Variants in HS6ST2 observed in about 807,000 individuals in gnomAD.
The protein encoded by HS6ST2 is heparan sulfate 6-O-sulfotransferase 2, also known as heparan-sulfate 6-O-sulfotransferase 2.
A neutral mutation model predicts 33.0 loss-of-function variants in HS6ST2; 17 were observed. The ratio of observed to expected loss-of-function variants is 0.52; its 90% CI spans 0.35 to 0.77. The LOEUF (loss-of-function observed/expected upper bound fraction) is 0.77. Among genes scored for constraint, HS6ST2 ranks in the 30% least tolerant of loss-of-function variants. The pLI, the probability that HS6ST2 is intolerant of heterozygous loss-of-function variation, is 0.01. For synonymous variants in HS6ST2, 248 were observed against 237.1 expected, an observed-to-expected ratio of 1.05 and a Z score of -0.42; for missense variants, 519 against 551.7, an observed-to-expected ratio of 0.94 and a Z score of 0.59.
intron 2 of HS6ST2, among the ~76,000 whole-genome samples, chrX:132,789,219 AT>A (rs2065094324): frequency 8.9e-6 from 1 of 111,815 alleles, no homozygotes; most frequent in Non-Finnish European, 1.9e-5. Flanking sequence ...AATGTAGCTG[AT>A]GACTTTAAGT....
intron 2 of HS6ST2, among the ~76,000 whole-genome samples, chrX:132,919,341 C>T (rs1602872874): frequency 8.9e-6 from 1 of 112,118 alleles, no homozygotes; most frequent in Non-Finnish European, 1.9e-5. Flanking sequence ...ACTCTCTGCT[C>T]TGAATGGGTC....
intron 4 of HS6ST2, among the ~76,000 whole-genome samples, chrX:132,637,917 T>A (rs1268281527): frequency 0.013 from 688 of 51,795 alleles, 17 homozygotes; most frequent in African/African-American, 0.12. Flanking sequence ...TATATAATAT[T>A]TTATATATAT....
chrX:132,861,114 T>C (rs1248796283), intron 2 of HS6ST2, among the ~76,000 whole-genome samples: 1 of 111,475 alleles, frequency 9.0e-6, no homozygotes, highest in Non-Finnish European at 1.9e-5. Context: ...TTCGACAGGA[T>C]TGAAATTTTA....
chrX:132,953,183 G>T (rs1022263714), intron 2 of HS6ST2, among the ~76,000 whole-genome samples: 2 of 111,868 alleles, frequency 1.8e-5, no homozygotes, highest in East Asian at 5.6e-4. Context: ...ACTTTTAACA[G>T]CTTGTGAGCA....
intron 2 of HS6ST2, among the ~76,000 whole-genome samples, chrX:132,838,496 T>C (rs766024610): frequency 8.9e-6 from 1 of 111,866 alleles, no homozygotes; most frequent in Non-Finnish European, 1.9e-5. Flanking sequence ...GAATTATAAA[T>C]TATAGTATCT....
intron 2 of HS6ST2, among the ~76,000 whole-genome samples, chrX:132,829,733 T>C (rs2065569706): frequency 9.0e-6 from 1 of 111,133 alleles, no homozygotes; most frequent in Non-Finnish European, 1.9e-5. Flanking sequence ...ATTTGAAACA[T>C]GAGAAAAGTG....
intron 2 of HS6ST2, among the ~76,000 whole-genome samples, chrX:132,782,716 G>C (rs1415979930): frequency 1.3e-4 from 15 of 111,422 alleles, no homozygotes; most frequent in Non-Finnish European, 3.8e-5. Flanking sequence ...AGGTAGATTT[G>C]AGATTGATCA....
At chrX:132,828,143 G>A (rs1203775332) in intron 2 of HS6ST2, among the ~76,000 whole-genome samples, 2 of 111,006 alleles carry the variant, frequency 1.8e-5, no homozygotes, top group Non-Finnish European at 3.8e-5. Flanking sequence ...CATACCCTCT[G>A]TTTTAACTCA....
chrX:132,797,877 A>C (rs915170404), intron 2 of HS6ST2, among the ~76,000 whole-genome samples: 1 of 108,809 alleles, frequency 9.2e-6, no homozygotes, highest in African/African-American at 3.3e-5. Context: ...GCTGGGCATA[A>C]TAGTGCATGC....
At chrX:132,797,387 T>C (rs1335952834) in intron 2 of HS6ST2, among the ~76,000 whole-genome samples, 1 of 111,932 alleles carries the variant, frequency 8.9e-6, no homozygotes, top group Non-Finnish European at 1.9e-5. Flanking sequence ...CTGATTAGCT[T>C]ACCACCCTGT....
chrX:132,843,203 A>G (rs770606469), intron 2 of HS6ST2, among the ~76,000 whole-genome samples: 23 of 112,342 alleles, frequency 2.0e-4, no homozygotes, highest in Non-Finnish European at 3.8e-4. Context: ...CATGTTTACT[A>G]TTTCATTTCC....
At chrX:132,669,018 T>C in intron 4 of HS6ST2, 95 bp downstream of exon 4, 1 of 559,735 alleles carries the variant, frequency 1.8e-6, no homozygotes, top group Non-Finnish European at 3.0e-6. Flanking sequence ...ATTCCACAAA[T>C]CTTTGTTGAA....
chrX:132,694,250 A>G (rs2064087149), intron 3 of HS6ST2, among the ~76,000 whole-genome samples: 2 of 111,827 alleles, frequency 1.8e-5, no homozygotes. Context: ...GTCATCAGTG[A>G]CTTCCTGCTG....
Position 132,957,136 on chromosome X carries a change from G to C in HS6ST2, c.619C>G (p.Arg207Gly). 8.3e-7 allele frequency: 1 copy of C among 1,211,694 alleles called. No homozygotes were observed. Among genetic ancestry groups the C allele is most frequent in the Non-Finnish European group, 1.1e-6 (1 of 895,408 alleles). ...EDESSARFVP[R>G]YNFTRGDLLR... ...AGGTCGCCGCGGGTGAAATTGTAGCGGGGCACGAACCTGGCGGAGCTCTCA... is the reference window on the plus strand; with the variant it reads ...AGGTCGCCGCGGGTGAAATTGTAGCCGGGCACGAACCTGGCGGAGCTCTCA... The change falls in exon 2 of 5, where the codon CGC (arginine) becomes GGC (glycine). Residue 207 changes from arginine (R) to glycine (G), a missense_variant. Physicochemically the swap from Arg to Gly is moderately radical, Grantham distance 125. Transcript: ENST00000370833.
intron 2 of HS6ST2, among the ~76,000 whole-genome samples, chrX:132,881,864 G>C (rs1336342827): frequency 3.3e-4 from 37 of 111,762 alleles, no homozygotes; most frequent in African/African-American, 9.4e-4. Context: ...TTTCCCAACA[G>C]CATTTATTAA....
intron 3 of HS6ST2, among the ~76,000 whole-genome samples, chrX:132,702,013 T>C (rs2064147982): frequency 8.9e-6 from 1 of 112,384 alleles, no homozygotes; most frequent in African/African-American, 3.2e-5. Context: ...ATGTTTTAAG[T>C]TCCTGTGACA....
chrX:132,668,727 G>C (rs936823639), intron 4 of HS6ST2, among the ~76,000 whole-genome samples: 5 of 111,734 alleles, frequency 4.5e-5, no homozygotes, highest in African/African-American at 1.6e-4. Context: ...TCAGTGTATG[G>C]ATCAGGACAG....
chrX:132,952,335 T>G (rs1481893325), intron 2 of HS6ST2, among the ~76,000 whole-genome samples: 3 of 99,544 alleles, frequency 3.0e-5, no homozygotes, highest in Non-Finnish European at 6.1e-5. Context: ...CAAAGACAGC[T>G]GAAGAAATGT....
At chrX:132,938,754 G>A (rs992420909) in intron 2 of HS6ST2, among the ~76,000 whole-genome samples, 3 of 111,854 alleles carry the variant, frequency 2.7e-5, no homozygotes, top group East Asian at 5.6e-4. Context: ...GGAGATTTTA[G>A]CCAAGGAAGT....
Sources: gnomAD v4.1 joint callset for allele counts (sites outside exome capture counted in the v4.1 genomes callset) on GRCh38, gnomAD v4.1.1 for gene constraint, MANE v1.5 for transcripts, NCBI Gene and HGNC (gene_info 2026-07-23, HGNC 2026-07-21) for gene names.